RPN1: variants seen among roughly 807,000 people sequenced by gnomAD.
The protein encoded by RPN1 is ribophorin I, also known as dolichyl-diphosphooligosaccharide--protein glycosyltransferase subunit 1.
In RPN1, 12 loss-of-function variants were observed where a neutral mutation model predicts 55.5. The ratio of observed to expected loss-of-function variants is 0.22; its 90% CI spans 0.14 to 0.35. The LOEUF (loss-of-function observed/expected upper bound fraction) is 0.35. Ranked by LOEUF, RPN1 falls within the 10% of genes least tolerant of loss-of-function variation. RPN1 has a pLI of 1.00. For missense variants in RPN1, 679 were observed against 761.3 expected (o/e 0.89, Z 1.27); for synonymous variants, 317 against 305.9 (o/e 1.04, Z -0.38).
At chr3:128,635,621 A>ATATATC (rs1324904650) in intron 3 of RPN1, among the ~76,000 whole-genome samples, 8 of 26,124 alleles carry the variant, frequency 3.1e-4, no homozygotes, top group African/African-American at 1.6e-3. Context: ...AGATATATAT[A>ATATATC]TATATATATA....
At chr3:128,634,266 T>A (rs1423924748) in intron 3 of RPN1, among the ~76,000 whole-genome samples, 1 of 151,284 alleles carries the variant, frequency 6.6e-6, no homozygotes, top group Non-Finnish European at 1.5e-5. Flanking sequence ...AGGCAGAGGT[T>A]GCAGTGAGCT....
At chr3:128,644,740 C>T (rs1279958320) in intron 2 of RPN1, 179 bp downstream of exon 2, 4 of 650,126 alleles carry the variant, frequency 6.2e-6, no homozygotes, top group African/African-American at 3.7e-5. Flanking sequence ...AGAAGGATGG[C>T]TTGAGCTCAG....
intron 1 of RPN1, among the ~76,000 whole-genome samples, chr3:128,650,280 C>G (rs1402402284): frequency 6.6e-6 from 1 of 152,184 alleles, no homozygotes; most frequent in Non-Finnish European, 1.5e-5. Flanking sequence ...AGCAGCGACC[C>G]GCGCGGGGGC....
Position 128,630,066 on chromosome 3 carries a change from A to G in RPN1, c.921T>C (p.Ile307=). Residue 307 remains isoleucine (I), a synonymous_variant, in exon 5 of 10, where the codon ATT becomes ATC. Transcript: ENST00000296255. Reference sequence around the variant, plus strand: ...TTTCCATCTCTACAGAGTCATCCAAAATAAGGAGGTGGCTGGTAGAAACAT... The same window carrying G: ...TTTCCATCTCTACAGAGTCATCCAAGATAAGGAGGTGGCTGGTAGAAACAT... ...IGNVSTSHLL[I]LDDSVEMEIR... The G allele has an allele frequency of 6.2e-7, 1 of 1,613,434 alleles. No homozygotes were observed.
At chr3:128,638,477 A>C (rs1017462336) in intron 2 of RPN1, among the ~76,000 whole-genome samples, 1 of 152,134 alleles carries the variant, frequency 6.6e-6, no homozygotes, top group Non-Finnish European at 1.5e-5. Context: ...TAGAAGACTT[A>C]AATTATTTTT....
chr3:128,635,628 T>G (rs182229769), intron 3 of RPN1, among the ~76,000 whole-genome samples: 500 of 26,404 alleles, frequency 0.019, 8 homozygotes, highest in African/African-American at 0.078. Flanking sequence ...TATATATATA[T>G]ATATATATAT....
At chr3:128,622,454 G>A (rs760939247) in intron 8 of RPN1, 45 bp from the exon 9 acceptor site, 28 of 1,610,820 alleles carry the variant, frequency 1.7e-5, no homozygotes, top group Non-Finnish European at 2.3e-5. Flanking sequence ...CCAGGCTTGG[G>A]TCCACTCTGA....
intron 1 of RPN1, among the ~76,000 whole-genome samples, chr3:128,646,944 G>GT (rs1370802875): frequency 6.6e-6 from 1 of 151,622 alleles, no homozygotes; most frequent in African/African-American, 2.4e-5. Flanking sequence ...CTGCACTCCA[G>GT]CCTGGGCAAC....
Position 128,638,072 on chromosome 3 carries a change from A to G in RPN1, c.360T>C (p.Ala120=), listed in dbSNP as rs1262178311. The change falls in exon 3 of 10, where the codon GCT becomes GCC. Residue 120 remains alanine (A), a synonymous_variant. Coordinates refer to ENST00000296255, the MANE Select transcript of RPN1 (RefSeq NM_002950.4). ...CTGAAATCTTGGCCCCAGGATCAAG[A>G]GCAACTGGGAGCTTGACTGTGAAGA... ...GRFFTVKLPV[A]LDPGAKISVI... 1 of 1,613,932 alleles carries G rather than the reference A, an allele frequency of 6.2e-7. No homozygotes were observed. The highest frequency in any genetic ancestry group is 8.5e-7 in the Non-Finnish European group (1 of 1,179,778).
chr3:128,643,143 A>G (rs1210115585), intron 2 of RPN1, among the ~76,000 whole-genome samples: 4 of 151,282 alleles, frequency 2.6e-5, no homozygotes, highest in Non-Finnish European at 5.9e-5. Context: ...TCTGGCCAAT[A>G]TGGAGAAATC....
At chr3:128,634,900 GA>G (rs2069665846) in intron 3 of RPN1, among the ~76,000 whole-genome samples, 1 of 151,990 alleles carries the variant, frequency 6.6e-6, no homozygotes, top group Non-Finnish European at 1.5e-5. Flanking sequence ...GAGGAAAGTG[GA>G]AAACCCCAAA....
intron 2 of RPN1, among the ~76,000 whole-genome samples, chr3:128,641,583 A>ATT (rs932641372): frequency 2.7e-5 from 4 of 147,878 alleles, no homozygotes; most frequent in African/African-American, 1.0e-4. Context: ...CTCCAAGTAC[A>ATT]TTATATATAT....
chr3:128,633,499 C>A (rs1407613716), intron 3 of RPN1, among the ~76,000 whole-genome samples: 1 of 152,080 alleles, frequency 6.6e-6, no homozygotes, highest in South Asian at 2.1e-4. Context: ...CAAGCATAAG[C>A]CACTGTGCCC....
In RPN1 at chr3:128,637,980, TTCTC is replaced by T; in HGVS notation, c.448_451del (p.Glu150AsnfsTer25). ...GTTCCCCTCAAACACCACAAACTGT[TTCTC>T]TGACTGGGTGATCTGGGTTGGATAC... On this transcript the variant is annotated frameshift_variant, in exon 3 of 10. Coordinates refer to ENST00000296255, the MANE Select transcript of RPN1 (RefSeq NM_002950.4). LOFTEE classifies it high-confidence loss of function. 6.2e-7 allele frequency: 1 copy of T among 1,614,180 alleles called. No individual in the cohort carries two copies. Among genetic ancestry groups the T allele is most frequent in the Non-Finnish European group, 8.5e-7 (1 of 1,180,024 alleles).
intron 3 of RPN1, among the ~76,000 whole-genome samples, chr3:128,635,855 T>C (rs1203521884): frequency 2.6e-5 from 4 of 151,188 alleles, no homozygotes; most frequent in African/African-American, 4.8e-5. Context: ...TAACTTGTTA[T>C]ATAAAACTTG....
intron 3 of RPN1, among the ~76,000 whole-genome samples, chr3:128,635,614 T>G (rs1408276139): frequency 3.3e-3 from 14 of 4,282 alleles, no homozygotes; most frequent in South Asian, 8.3e-3. Flanking sequence ...TAACTTGAGA[T>G]ATATATATAT....
At chr3:128,641,198 A>G (rs1214793908) in intron 2 of RPN1, 2 of 152,168 alleles carry the variant, frequency 1.3e-5, no homozygotes, top group Non-Finnish European at 2.9e-5. Context: ...TGATTTACTG[A>G]GAACCCCATA....
intron 5 of RPN1, 112 bp from the exon 6 acceptor site, chr3:128,626,944 A>G: frequency 1.1e-6 from 1 of 870,828 alleles, no homozygotes; most frequent in South Asian, 1.4e-5. Context: ...GCAAAACCAA[A>G]AACCCACGGA....
rs1576791040 is a variant in RPN1 at position 128,622,353 on chromosome 3, G to A, written c.1452C>T (p.Thr484=). The part of the protein sequence containing the change: ...KVACITEQVL[T]LVNKRIGLYR... ...AAAGGCCTATTCTCTTGTTGACCAG[G>A]GTCAAGACCTGCTCTGTGATGCAGG... The change falls in exon 9 of 10, where the codon ACC becomes ACT. Residue 484 remains threonine (T), a synonymous_variant. Coordinates refer to ENST00000296255, the MANE Select transcript of RPN1 (RefSeq NM_002950.4). The A allele has an allele frequency of 6.2e-7, 1 of 1,614,050 alleles. No homozygotes were observed. The highest frequency in any genetic ancestry group is 8.5e-7 in the Non-Finnish European group (1 of 1,180,044).
Sources: gnomAD v4.1 joint callset for allele counts (sites outside exome capture counted in the v4.1 genomes callset) on GRCh38, gnomAD v4.1.1 for gene constraint, MANE v1.5 for transcripts, NCBI Gene and HGNC (gene_info 2026-07-23, HGNC 2026-07-21) for gene names.